The following ESPL1 variants were observed in gnomAD, a reference collection of about 807,000 sequenced individuals.
ESPL1 encodes separin.
Under a neutral mutation model 217.2 loss-of-function variants are expected in ESPL1, and 50 were observed. That is an observed-to-expected ratio of 0.23 (90% CI 0.18 to 0.29). The LOEUF is 0.29. Ranked by LOEUF, ESPL1 falls within the 10% of genes least tolerant of loss-of-function variation. ESPL1 has a pLI of 1.00. For synonymous variants in ESPL1, 994 were observed against 1,081.3 expected (o/e 0.92, Z 1.58); for missense variants, 1,834 against 2,603.0 (o/e 0.70, Z 6.43).
At position 53,281,543 on chromosome 12, in the gene ESPL1, C is replaced by T. The variant is rs577130663; in HGVS notation, c.2536C>T (p.Leu846Phe). 5 of 1,613,906 alleles carry T rather than the reference C, an allele frequency of 3.1e-6. No homozygotes were observed. The African/African-American group carries it at 6.7e-5, about 22-fold the overall frequency. ...AGAGGCAGCATCGAGCCTGAAGCAT[C>T]TCGATCAGACTACTGACACATACCT... is the stretch of plus-strand genomic sequence containing the variant. ...LEEAASSLKH[L>F]DQTTDTYLLL... is the part of the protein sequence containing the mutation. Residue 846 changes from leucine (L) to phenylalanine (F), a missense_variant, in exon 13 of 31, where the codon CTC (leucine) becomes TTC (phenylalanine). By Grantham distance (22) the Leu-to-Phe change is conservative. This residue lies in a region of ESPL1 where 746 missense variants were observed against 1,077.0 expected (regional missense o/e 0.69). Transcript: ENST00000257934.
At position 53,286,186 on chromosome 12, in the gene ESPL1, C is replaced by T. The variant is rs148885660; in HGVS notation, c.3450C>T (p.Leu1150=). The stretch of plus-strand genomic sequence containing the variant: ...ATTCACCCACCTGTGACTGCTCGCT[C>T]TGCGCCAGCCCTGTCCTCACAGCAG... ...LSHSPTCDCS[L]CASPVLTAVC... The change falls in exon 18 of 31, where the codon CTC becomes CTT. Residue 1150 remains leucine, a synonymous_variant. Coordinates refer to ENST00000257934, the MANE Select transcript of ESPL1 (RefSeq NM_012291.5). This position sits in a 1 kb window ranked among gnomAD's most constrained non-coding sequence, Gnocchi z 5.3. 262 of 1,614,286 alleles carry T rather than the reference C, an allele frequency of 1.6e-4. No individual in the cohort carries two copies. The African/African-American group carries it at 3.2e-3, about 19-fold the overall frequency.
intron 5 of ESPL1, among the ~76,000 whole-genome samples, chr12:53,271,575 C>T (rs987746944): frequency 2.7e-5 from 4 of 149,862 alleles, no homozygotes; most frequent in Admixed American, 2.7e-4. Flanking sequence ...GCAGGAGAGT[C>T]GCTTGAACCT....
chr12:53,277,529 T>G lies in ESPL1; in HGVS notation c.2145T>G (p.Asn715Lys). Residue 715 changes from asparagine to lysine, a missense_variant, in exon 10 of 31, where the codon AAT becomes AAG. Physicochemically the swap from Asn to Lys is moderately conservative, Grantham distance 94. Coordinates refer to ENST00000257934, the MANE Select transcript of ESPL1 (RefSeq NM_012291.5). Reference sequence around the variant, plus strand: ...GTAACTTGGAGGAATTTGAAGTCAATGACCTGAACTATGAAGATAAACTCC... The same window carrying G: ...GTAACTTGGAGGAATTTGAAGTCAAGGACCTGAACTATGAAGATAAACTCC... ...APGNLEEFEV[N>K]DLNYEDKLQE... The G allele has an allele frequency of 6.2e-7, 1 of 1,614,140 alleles. No individual in the cohort carries two copies. The highest frequency in any genetic ancestry group is 1.1e-5 in the South Asian group (1 of 91,084).
intron 12 of ESPL1, among the ~76,000 whole-genome samples, chr12:53,281,264 A>C (rs1714528969): frequency 6.7e-6 from 1 of 150,194 alleles, no homozygotes; most frequent in African/African-American, 2.5e-5. Context: ...CAGCCTCCCG[A>C]GTAGCTGGGA....
At chr12:53,288,748 T>TA in intron 20 of ESPL1, 49 bp downstream of exon 20, 1 of 1,536,958 alleles carries the variant, frequency 6.5e-7, no homozygotes, top group Non-Finnish European at 8.8e-7. Context: ...GCTGAGCCTC[T>TA]AGGGCTTTTG....
At chr12:53,268,664 T>C in intron 1 of ESPL1, 91 bp from the exon 2 acceptor site, 1 of 719,246 alleles carries the variant, frequency 1.4e-6, no homozygotes, top group African/African-American at 1.8e-5. Context: ...TCTGATGTGA[T>C]TCTTTGCCTC....
chr12:53,268,850 G>A lies in ESPL1; in HGVS notation c.81+3G>A. ...AAGAGTTGCTGCCCGCCTTGAAGGT[G>A]GGGGTGCTGCCTGGCTCGGGATACA... On this transcript the variant is annotated splice_donor_region_variant and intron_variant, in intron 2 of 30. Coordinates refer to ENST00000257934, the MANE Select transcript of ESPL1 (RefSeq NM_012291.5). The A allele has an allele frequency of 6.2e-7, 1 of 1,608,878 alleles. No individual in the cohort carries two copies. The highest frequency in any genetic ancestry group is 8.5e-7 in the Non-Finnish European group (1 of 1,177,168).
chr12:53,269,089 T>C lies in ESPL1; in HGVS notation c.147T>C (p.Ala49=), dbSNP rs771733095. ...SSRSDAERRQ[A]CDAILRACNQ... ...GATCTGATGCTGAGAGGAGACAAGC[T>C]TGTGATGCCATCCTGAGGGCTTGCA... Residue 49 remains alanine, a synonymous_variant, in exon 3 of 31, where the codon GCT becomes GCC. Coordinates refer to ENST00000257934, the MANE Select transcript of ESPL1 (RefSeq NM_012291.5). The surrounding 1 kb of genome is among the most constrained non-coding windows in gnomAD (Gnocchi z 6.7). The C allele has an allele frequency of 1.2e-6, 2 of 1,614,076 alleles. No homozygotes were observed. Among genetic ancestry groups the C allele is most frequent in the South Asian group, 2.2e-5 (2 of 91,086 alleles).
chr12:53,292,218 T>C lies in ESPL1; in HGVS notation c.5797-60T>C. On this transcript the variant is annotated intron_variant, in intron 27 of 30. Coordinates refer to ENST00000257934, the MANE Select transcript of ESPL1 (RefSeq NM_012291.5). This position sits in a 1 kb window ranked among gnomAD's most constrained non-coding sequence, Gnocchi z 4.5. ...CTCAGACATGGAAAGGGGCTGAGAT[T>C]GTTAGAGCTTGGGCCTCTTGGTGAG... 1 of 1,451,800 alleles carries C rather than the reference T, an allele frequency of 6.9e-7. No individual in the cohort carries two copies. Among genetic ancestry groups the C allele is most frequent in the Non-Finnish European group, 9.7e-7 (1 of 1,032,504 alleles). 89.9% of individuals were successfully genotyped at this position (1,451,800 alleles called of 1,614,324 possible). A position where few individuals can be genotyped will look rare whatever the true frequency, so the allele number is the denominator to read the frequency against.
chr12:53,288,604 C>T lies in ESPL1; in HGVS notation c.4613C>T (p.Ser1538Phe), dbSNP rs1592495251. The change falls in exon 20 of 31, where the codon TCC becomes TTC. Residue 1538 changes from serine to phenylalanine, a missense_variant. Coordinates refer to ENST00000257934, the MANE Select transcript of ESPL1 (RefSeq NM_012291.5). ...SGEWELLRLD[S>F]SKKKLPSPCP... is the part of the protein sequence containing the mutation. ...GAATGGGAGCTGCTGAGGCTGGATT[C>T]CAGCAAGAAGAAGCTGCCCAGCCCA... 4 of 1,613,826 alleles carry T rather than the reference C, an allele frequency of 2.5e-6. No individual in the cohort carries two copies. The highest frequency in any genetic ancestry group is 4.5e-5 in the East Asian group (2 of 44,882).
intron 6 of ESPL1, among the ~76,000 whole-genome samples, chr12:53,273,836 GTTTTTTTTT>G (rs71096001): frequency 7.9e-5 from 5 of 63,156 alleles, no homozygotes; most frequent in East Asian, 5.8e-4. Context: ...TGGTTTTTTG[GTTTTTTTTT>G]TTTTTTTTTT....
chr12:53,277,753 T>C (rs974209882), intron 10 of ESPL1, 68 bp from the exon 11 acceptor site: 86 of 1,592,282 alleles, frequency 5.4e-5, no homozygotes, highest in Non-Finnish European at 6.9e-5. Flanking sequence ...GAGGATGTTA[T>C]GGAGGAAGGG....
At chr12:53,278,944 G>A (rs113362569) in intron 11 of ESPL1, among the ~76,000 whole-genome samples, 3,882 of 151,890 alleles carry the variant, frequency 0.026, 68 homozygotes, top group Middle Eastern at 0.078. Flanking sequence ...CTGGAGTGCA[G>A]TGGCGTGATC....
chr12:53,272,590 C>A, intron 5 of ESPL1, 131 bp from the exon 6 acceptor site: 1 of 1,016,078 alleles, frequency 9.8e-7, no homozygotes, highest in Non-Finnish European at 1.4e-6. Flanking sequence ...CCATTCCTAG[C>A]AGTAGGGGTT....
chr12:53,273,106 G>A (rs1943706427), intron 6 of ESPL1, among the ~76,000 whole-genome samples: 1 of 149,772 alleles, frequency 6.7e-6, no homozygotes, highest in African/African-American at 2.5e-5. Flanking sequence ...CACAATCTTG[G>A]CTCACTGCAA....
chr12:53,283,193 G>T lies in ESPL1; in HGVS notation c.2856G>T (p.Leu952=). The T allele has an allele frequency of 6.2e-7, 1 of 1,614,192 alleles. No individual in the cohort carries two copies. Among genetic ancestry groups the T allele is most frequent in the South Asian group, 1.1e-5 (1 of 91,086 alleles). The change falls in exon 15 of 31, where the codon CTG becomes CTT. Residue 952 remains leucine, a synonymous_variant. Transcript: ENST00000257934. ...AGCTCCTCCGAAGCATCATCCTCCT[G>T]CTGATGGGCAGTGACATTCTCTCAA... The part of the protein sequence containing the change: ...SHKLLRSIIL[L]LMGSDILSTQ...
chr12:53,284,133 G>A lies in ESPL1; in HGVS notation c.3153G>A (p.Leu1051=), dbSNP rs1332881285. The A allele has an allele frequency of 1.2e-6, 2 of 1,613,930 alleles. No homozygotes were observed. The highest frequency in any genetic ancestry group is 1.7e-6 in the Non-Finnish European group (2 of 1,179,804). Residue 1051 remains leucine (L), a synonymous_variant, in exon 17 of 31, where the codon CTG becomes CTA. Coordinates refer to ENST00000257934, the MANE Select transcript of ESPL1 (RefSeq NM_012291.5). ...ACATTGATCTCTGTCAGTCGGACCT[G>A]CAGCAGGTTCTGTTCTTGCTTGAGT... ...RNDIDLCQSD[L]QQVLFLLESC...
rs1409764913 is a variant in ESPL1, at chr12:53,286,336, A to C, written c.3600A>C (p.Gln1200His). Residue 1200 changes from glutamine (Q) to histidine (H), a missense_variant, in exon 18 of 31, where the codon CAA (glutamine) becomes CAC (histidine). Around this residue, in one of 5 missense-constraint regions of ESPL1, gnomAD observed 681 missense variants for 808.0 expected, o/e 0.84. Transcript: ENST00000257934. The surrounding 1 kb of genome is among the most constrained non-coding windows in gnomAD (Gnocchi z 5.3). ...GCPEAAERLT[Q>H]ALQASLNHKT... ...CTGAAGCCGCTGAGCGCCTCACCCA[A>C]GCTCTCCAAGCTTCCCTGAATCATA... is the stretch of plus-strand genomic sequence containing the variant. The C allele has an allele frequency of 1.9e-6, 3 of 1,614,060 alleles. No individual in the cohort carries two copies. Among genetic ancestry groups the C allele is most frequent in the Non-Finnish European group, 2.5e-6 (3 of 1,180,032 alleles).
Position 53,276,823 on chromosome 12 carries a change from T to C in ESPL1, c.1904T>C (p.Val635Ala), listed in dbSNP as rs749148102. The part of the protein sequence containing the change: ...RATHLVELAQ[V>A]LCYHDFTQQT... ...ACCCACCTGGTAGAACTGGCTCAGG[T>C]GCTCTGCTACCACGACTTTACGCAG... The change falls in exon 8 of 31, where the codon GTG becomes GCG. Residue 635 changes from valine to alanine, a missense_variant. Physicochemically the swap from Val to Ala is moderately conservative, Grantham distance 64. Transcript: ENST00000257934. 1.9e-6 allele frequency: 3 copies of C among 1,613,918 alleles called. No individual in the cohort carries two copies. The highest frequency in any genetic ancestry group is 2.5e-6 in the Non-Finnish European group (3 of 1,180,036).
Sources: gnomAD v4.1 joint callset for allele counts (sites outside exome capture counted in the v4.1 genomes callset) on GRCh38, gnomAD v4.1.1 for gene constraint, gnomAD v4.1.1 regional missense constraint, Gnocchi (gnomAD v3.1) non-coding constraint, MANE v1.5 for transcripts, NCBI Gene and HGNC (gene_info 2026-07-23, HGNC 2026-07-21) for gene names.